Variants in PCDH15 observed in about 807,000 individuals in gnomAD.
PCDH15 encodes protocadherin related 15.
Under a neutral mutation model 178.5 loss-of-function variants are expected in PCDH15, and 129 were observed. The observed-to-expected ratio is 0.72, with a 90% CI of 0.63 to 0.84. The LOEUF is 0.84. PCDH15 is among the 40% of genes least tolerant of loss of function. PCDH15 has a pLI of 0.00. For missense variants in PCDH15, 2,230 were observed against 2,099.9 expected (o/e 1.06, Z -1.21); for synonymous variants, 800 against 732.0 (o/e 1.09, Z -1.50).
chr10:53,970,128 C>T (rs2610902), intron 21 of PCDH15, among the ~76,000 whole-genome samples: 5 of 151,898 alleles, frequency 3.3e-5, no homozygotes, highest in East Asian at 1.9e-4. Flanking sequence ...TTATGTGCAG[C>T]GATACACATA....
rs2092610760 is a variant in PCDH15 at position 54,012,256 on chromosome 10, A to G, written c.2751+7936T>C. Among the ~76,000 whole-genome samples the G allele has an allele frequency of 2.0e-5, 3 of 152,160 alleles. 1 individual carries two copies. The highest frequency in any genetic ancestry group is 2.0e-4 in the Admixed American group (3 of 15,280). ...AAGTAATAATTAAAAAAAGAATAAA[A>G]AAGAATGGACAAAACCCCTGAAACA... On this transcript the variant is annotated intron_variant, in intron 20 of 37. Coordinates refer to ENST00000644397, the MANE Select transcript of PCDH15 (RefSeq NM_001384140.1).
intron 26 of PCDH15, among the ~76,000 whole-genome samples, chr10:53,875,105 G>A (rs2133258858): frequency 6.6e-6 from 1 of 151,888 alleles, no homozygotes; most frequent in South Asian, 2.1e-4. Flanking sequence ...TCTAATCAGA[G>A]TTTCAGAAAG....
chr10:54,793,337 T>A (rs1564462894), intron 1 of PCDH15, among the ~76,000 whole-genome samples: 1 of 151,856 alleles, frequency 6.6e-6, no homozygotes, highest in African/African-American at 2.4e-5. Context: ...AAGCTGAGAT[T>A]TTATACACCC....
chr10:54,207,643 T>C (rs987198275), intron 10 of PCDH15, among the ~76,000 whole-genome samples: 1 of 151,990 alleles, frequency 6.6e-6, no homozygotes, highest in Non-Finnish European at 1.5e-5. Context: ...GTGGAGGAAC[T>C]CTCTGGTGGG....
intron 3 of PCDH15, among the ~76,000 whole-genome samples, chr10:54,459,172 C>G (rs6481099): frequency 6.6e-6 from 1 of 151,898 alleles, no homozygotes; most frequent in Non-Finnish European, 1.5e-5. Context: ...CTTGATAGAA[C>G]AGTGTCATGT....
At chr10:53,964,884 G>A (rs1272722022) in intron 21 of PCDH15, among the ~76,000 whole-genome samples, 1 of 152,100 alleles carries the variant, frequency 6.6e-6, no homozygotes, top group East Asian at 1.9e-4. Context: ...AGACATCGTA[G>A]GACTTGGGGC....
chr10:55,351,817 C>T (rs1036816395), intron 2 of PCDH15, among the ~76,000 whole-genome samples: 1 of 152,122 alleles, frequency 6.6e-6, no homozygotes, highest in African/African-American at 2.4e-5. Context: ...ATTTAATCTT[C>T]TCCTAAGTAG....
intron 2 of PCDH15, among the ~76,000 whole-genome samples, chr10:55,114,729 A>G (rs1392705651): frequency 1.3e-5 from 2 of 152,228 alleles, no homozygotes; most frequent in Non-Finnish European, 2.9e-5. Context: ...TGAAAGAGCT[A>G]CAAGATGGAA....
At chr10:55,528,387 C>G in intron 2 of PCDH15, among the ~76,000 whole-genome samples, 1 of 152,010 alleles carries the variant, frequency 6.6e-6, no homozygotes, top group South Asian at 2.1e-4. Flanking sequence ...TCTCCACACC[C>G]CAAAACAGGC....
At chr10:54,945,670 G>A (rs1313123161) in intron 2 of PCDH15, among the ~76,000 whole-genome samples, 3 of 151,672 alleles carry the variant, frequency 2.0e-5, no homozygotes, top group South Asian at 2.1e-4. Context: ...CTAAACAGTA[G>A]CCTTTCTAAA....
At chr10:54,375,177 C>T (rs1043201657) in intron 4 of PCDH15, among the ~76,000 whole-genome samples, 1 of 152,076 alleles carries the variant, frequency 6.6e-6, no homozygotes, top group African/African-American at 2.4e-5. Context: ...TGTTATTTCT[C>T]TCAGAAATTT....
At chr10:55,369,156 C>A (rs1268909603) in intron 2 of PCDH15, among the ~76,000 whole-genome samples, 1 of 151,658 alleles carries the variant, frequency 6.6e-6, no homozygotes, top group African/African-American at 2.4e-5. Flanking sequence ...GTAACCTTAT[C>A]AACTAAAGCA....
chr10:54,246,299 C>T (rs961949397), intron 8 of PCDH15, among the ~76,000 whole-genome samples: 1 of 151,852 alleles, frequency 6.6e-6, no homozygotes, highest in East Asian at 1.9e-4. Context: ...TCTCAGAAAA[C>T]CACTTATTAA....
intron 2 of PCDH15, chr10:54,619,333 T>C (rs1257477478): frequency 6.6e-6 from 1 of 151,778 alleles, no homozygotes; most frequent in Non-Finnish European, 1.5e-5. Context: ...AAGTAAGTAA[T>C]TTAAGGAAGA....
chr10:55,269,279 C>G (rs970019522), intron 1 of PCDH15, among the ~76,000 whole-genome samples: 4 of 150,564 alleles, frequency 2.7e-5, no homozygotes, highest in Non-Finnish European at 5.9e-5. Context: ...AAGTCCTAGA[C>G]AGAGCAATCA....
At chr10:54,841,709 T>A (rs1421127482) in intron 3 of PCDH15, among the ~76,000 whole-genome samples, 1 of 151,794 alleles carries the variant, frequency 6.6e-6, no homozygotes, top group East Asian at 1.9e-4. Context: ...CTGAAAAAAA[T>A]TTAAAGTTCA....
intron 2 of PCDH15, among the ~76,000 whole-genome samples, chr10:55,066,860 C>A (rs558789052): frequency 6.6e-6 from 1 of 151,644 alleles, no homozygotes; most frequent in Non-Finnish European, 1.5e-5. Context: ...TAGCAGACTA[C>A]AGTGACTATG....
chr10:55,231,202 A>G (rs139363493), intron 1 of PCDH15, among the ~76,000 whole-genome samples: 2 of 152,128 alleles, frequency 1.3e-5, no homozygotes, highest in African/African-American at 4.8e-5. Context: ...ACAAAAATTG[A>G]ATCTGGATAA....
At chr10:55,121,781 A>G (rs1837779120) in intron 2 of PCDH15, among the ~76,000 whole-genome samples, 1 of 151,978 alleles carries the variant, frequency 6.6e-6, no homozygotes, top group Non-Finnish European at 1.5e-5. Flanking sequence ...CCATATAAGG[A>G]CACAACTTTC....
Sources: gnomAD v4.1 joint callset for allele counts (sites outside exome capture counted in the v4.1 genomes callset) on GRCh38, gnomAD v4.1.1 for gene constraint, MANE v1.5 for transcripts, NCBI Gene and HGNC (gene_info 2026-07-23, HGNC 2026-07-21) for gene names.